Variants in MTRF1 observed in about 807,000 individuals in gnomAD.
MTRF1 encodes peptide chain release factor 1, mitochondrial.
A neutral mutation model predicts 62.9 loss-of-function variants in MTRF1; 51 were observed. The observed-to-expected ratio is 0.81, with a 90% CI of 0.65 to 1.02. The LOEUF is 1.02. Among genes scored for constraint, MTRF1 ranks in the 50% least tolerant of loss-of-function variants. The pLI is 0.00. For missense variants in MTRF1, 446 were observed against 530.0 expected, an observed-to-expected ratio of 0.84 and a Z score of 1.56; for synonymous variants, 158 against 181.9, an observed-to-expected ratio of 0.87 and a Z score of 1.06.
Position 41,240,285 on chromosome 13 carries a change from A to G in MTRF1, c.846T>C (p.Val282=), listed in dbSNP as rs748200202. The stretch of plus-strand genomic sequence containing the variant: ...CCTCATCTGGCTGAGGAAGGACAAT[A>G]ACCGACATCGTTCCTGTGTGAATGC... ...MQRIHTGTMS[V]IVLPQPDEVD... is the part of the protein sequence containing the mutation. The change falls in exon 6 of 10, where the codon GTT becomes GTC. Residue 282 remains valine, a synonymous_variant. Coordinates refer to ENST00000379480, the MANE Select transcript of MTRF1 (RefSeq NM_004294.4). The G allele has an allele frequency of 1.2e-5, 20 of 1,610,580 alleles. No individual in the cohort carries two copies. The highest frequency in any genetic ancestry group is 1.7e-5 in the Non-Finnish European group (20 of 1,178,506).
the MTRF1 span, among the ~76,000 whole-genome samples, chr13:41,294,380 T>A: frequency 4.8e-5 from 7 of 145,714 alleles, no homozygotes; most frequent in Non-Finnish European, 8.9e-5. Context: ...ATTGTGCCAC[T>A]GCCCTCCAGC....
the MTRF1 span, among the ~76,000 whole-genome samples, chr13:41,271,087 ACACAC>A: frequency 1.2e-4 from 15 of 127,168 alleles, no homozygotes; most frequent in African/African-American, 3.9e-4. Context: ...ACACACACAC[ACACAC>A]CCCATATAGC....
chr13:41,278,997 A>AC, the MTRF1 span, among the ~76,000 whole-genome samples: 1 of 151,576 alleles, frequency 6.6e-6, no homozygotes, highest in African/African-American at 2.4e-5. Flanking sequence ...TTTATTTTTT[A>AC]TTTTTTTTGA....
intron 5 of MTRF1, among the ~76,000 whole-genome samples, chr13:41,244,621 AG>A (rs1224886310): frequency 1.3e-5 from 2 of 152,156 alleles, no homozygotes; most frequent in African/African-American, 4.8e-5. Context: ...TCACCTTCCG[AG>A]GTTAGATTAT....
the MTRF1 span, among the ~76,000 whole-genome samples, chr13:41,273,952 A>AT: frequency 6.6e-6 from 1 of 152,248 alleles, no homozygotes; most frequent in Admixed American, 6.5e-5. Context: ...TCATAGGTAG[A>AT]TAAAAGACAA....
At position 41,242,656 on chromosome 13, in the gene MTRF1, C is replaced by A. The variant is rs532369172; in HGVS notation, c.698-2223G>T. ...TGCTGGCTATTTCGCTCTAAAATATCTTTTAAAGGCGGTTTGTGTAGTGAA... is the reference window on the plus strand; with the variant it reads ...TGCTGGCTATTTCGCTCTAAAATATATTTTAAAGGCGGTTTGTGTAGTGAA... On this transcript the variant is annotated intron_variant, in intron 5 of 9. Transcript: ENST00000379480. Among the ~76,000 whole-genome samples, 4 of 152,230 alleles carry A rather than the reference C, an allele frequency of 2.6e-5. No individual in the cohort carries two copies. In the East Asian group the frequency reaches 5.8e-4, roughly 22 times the overall value.
chr13:41,239,834 A>G (rs1227240416), intron 6 of MTRF1, among the ~76,000 whole-genome samples: 1 of 152,158 alleles, frequency 6.6e-6, no homozygotes, highest in Non-Finnish European at 1.5e-5. Flanking sequence ...ATTTCCCATT[A>G]GAGACTATAA....
chr13:41,282,951 T>C, the MTRF1 span, among the ~76,000 whole-genome samples: 1 of 152,256 alleles, frequency 6.6e-6, no homozygotes. Flanking sequence ...AGGACTTTTT[T>C]ACCACTGTTC....
the MTRF1 span, among the ~76,000 whole-genome samples, chr13:41,280,852 A>G: frequency 1.3e-5 from 2 of 152,344 alleles, no homozygotes; most frequent in South Asian, 2.1e-4. Context: ...GAATCCTGGC[A>G]TAAGGTTTAA....
the MTRF1 span, among the ~76,000 whole-genome samples, chr13:41,307,155 T>A: frequency 3.0e-4 from 45 of 152,028 alleles, no homozygotes; most frequent in South Asian, 8.3e-4. Context: ...CACACTAGTG[T>A]AGACAACCAA....
In MTRF1 at chr13:41,253,022, C is replaced by T; in HGVS notation, c.516G>A (p.Gln172=). The change falls in exon 4 of 10, where the codon CAG becomes CAA. Residue 172 remains glutamine, a synonymous_variant. Transcript: ENST00000379480. ...CATATTTCTCCTTTGGCACAAGGCT[C>T]TGGAAAAGCTGGAATAAAAATCAGC... The part of the protein sequence containing the change: ...KINMLYNELF[Q]SLVPKEKYDK... 6.3e-7 allele frequency: 1 copy of T among 1,599,106 alleles called. No homozygotes were observed. Among genetic ancestry groups the T allele is most frequent in the Non-Finnish European group, 8.5e-7 (1 of 1,173,262 alleles).
intron 7 of MTRF1, among the ~76,000 whole-genome samples, chr13:41,230,891 T>A (rs1364055976): frequency 6.6e-6 from 1 of 151,862 alleles, no homozygotes; most frequent in Non-Finnish European, 1.5e-5. Flanking sequence ...CCCAGCTAAT[T>A]TTTTTGTATT....
upstream of MTRF1, among the ~76,000 whole-genome samples, chr13:41,264,671 C>T (rs2040781210): frequency 6.6e-6 from 1 of 152,126 alleles, no homozygotes; most frequent in Non-Finnish European, 1.5e-5. Flanking sequence ...AATGGTTTTA[C>T]CCTATTAATT....
At chr13:41,297,791 G>A in the MTRF1 span, among the ~76,000 whole-genome samples, 1 of 151,872 alleles carries the variant, frequency 6.6e-6, no homozygotes, top group Non-Finnish European at 1.5e-5. Context: ...TGGCCAGGCT[G>A]TCTTAAACCC....
At chr13:41,261,878 A>C in intron 1 of MTRF1, 4 of 622,226 alleles carry the variant, frequency 6.4e-6, no homozygotes, top group Non-Finnish European at 8.0e-6. Flanking sequence ...GGGCTGGTGA[A>C]AAGCTCTACA....
In MTRF1 at chr13:41,217,363, A is replaced by G. The variant is rs879176832; in HGVS notation, c.1225-135T>C. 7 of 491,778 alleles carry G rather than the reference A, an allele frequency of 1.4e-5. No individual in the cohort carries two copies. The South Asian group carries it at 3.1e-4, about 22-fold the overall frequency. 30.5% of individuals were successfully genotyped at this position (491,778 alleles called of 1,614,324 possible). ...ATTACTAATGTTCTGTAATACAATG[A>G]ACACAATCGCTAACTTGGGAAGATC... is the stretch of plus-strand genomic sequence containing the variant. On this transcript the variant is annotated intron_variant, in intron 9 of 9. Transcript: ENST00000379480.
chr13:41,304,591 T>A, the MTRF1 span, among the ~76,000 whole-genome samples: 36 of 152,204 alleles, frequency 2.4e-4, no homozygotes, highest in African/African-American at 7.2e-4. Flanking sequence ...CAGCCTTTGG[T>A]ACAAAAGGAA....
chr13:41,246,488 G>A (rs2038277923), intron 5 of MTRF1, among the ~76,000 whole-genome samples: 2 of 152,168 alleles, frequency 1.3e-5, no homozygotes, highest in South Asian at 4.1e-4. Context: ...CCTTGAAAAT[G>A]CCTTAGGAAG....
In MTRF1 at chr13:41,240,355, C is replaced by T. The variant is rs146870585; in HGVS notation, c.776G>A (p.Arg259Gln). The T allele has an allele frequency of 1.7e-5, 27 of 1,613,808 alleles. No homozygotes were observed. Among genetic ancestry groups the T allele is most frequent in the Non-Finnish European group, 2.1e-5 (25 of 1,179,938 alleles). ...GCCCACCTCGGGGATGCGCTGAACT[C>T]GGTGAATCCCACCCTCATACTTCAA... is the stretch of plus-strand genomic sequence containing the variant. Reference protein sequence around the residue: ...KHLKYEGGIHRVQRIPEVGLS... With the variant: ...KHLKYEGGIHQVQRIPEVGLS... Residue 259 changes from arginine to glutamine, a missense_variant, in exon 6 of 10, where the codon CGA (arginine) becomes CAA (glutamine). Transcript: ENST00000379480.
Sources: allele counts gnomAD v4.1 joint callset (sites outside exome capture counted in the v4.1 genomes callset), GRCh38; gene constraint gnomAD v4.1.1; transcripts MANE v1.5; gene names NCBI Gene and HGNC (gene_info 2026-07-23, HGNC 2026-07-21).